UBE2O: variants seen among roughly 807,000 people sequenced by gnomAD.
UBE2O encodes the protein (E3-independent) E2 ubiquitin-conjugating enzyme.
UBE2O carries 15 observed loss-of-function variants against 125.8 expected under a neutral mutation model. The ratio of observed to expected loss-of-function variants is 0.12; its 90% CI spans 0.08 to 0.18. The LOEUF is 0.18. Among genes scored for constraint, UBE2O ranks in the 10% least tolerant of loss-of-function variants. UBE2O has a pLI of 1.00. For missense variants in UBE2O, 1,280 were observed against 1,723.6 expected (o/e 0.74, Z 4.56); for synonymous variants, 708 against 703.2 (o/e 1.01, Z -0.11).
At chr17:76,415,227 A>C (rs2072581600) in intron 1 of UBE2O, among the ~76,000 whole-genome samples, 1 of 152,154 alleles carries the variant, frequency 6.6e-6, no homozygotes, top group Non-Finnish European at 1.5e-5. Context: ...ATGAGGACCC[A>C]GGCTGCTAAT....
intron 1 of UBE2O, among the ~76,000 whole-genome samples, chr17:76,441,181 C>A (rs1036807598): frequency 1.3e-5 from 2 of 152,192 alleles, no homozygotes; most frequent in African/African-American, 4.8e-5. Context: ...GCCTGGCTCA[C>A]AGCAGGAATC....
In UBE2O at chr17:76,389,508, C is replaced by CAAAAA. The variant is rs1361682722; in HGVS notation, c.*1434_*1435insTTTTT. The CAAAAA allele has an allele frequency of 1.2e-4, 5 of 40,634 alleles. 1 individual carries two copies. The highest frequency in any genetic ancestry group is 4.1e-4 in the African/African-American group (3 of 7,236). The allele number at this position is 40,634 out of a possible 1,614,324, so 2.5% of individuals were successfully genotyped here. Reference sequence around the variant, plus strand: ...TCACCTTGTCTTGCTAATGAGCCAACACAAAAAAAAAAAAAAAAAAAAATG... The same window carrying CAAAAA: ...TCACCTTGTCTTGCTAATGAGCCAACAAAAAACAAAAAAAAAAAAAAAAAAAAATG... On this transcript the variant is annotated 3_prime_UTR_variant, in exon 18 of 18. Coordinates refer to ENST00000319380, the MANE Select transcript of UBE2O (RefSeq NM_022066.4).
In UBE2O at chr17:76,405,715, G is replaced by T. The variant is rs1167515572; in HGVS notation, c.418-143C>A. 5.4e-6 allele frequency: 4 copies of T among 742,038 alleles called. No individual in the cohort carries two copies. The East Asian group carries it at 8.1e-5, about 15-fold the overall frequency. The allele number at this position is 742,038 out of a possible 1,614,324, so 46.0% of individuals were successfully genotyped here. On this transcript the variant is annotated intron_variant, in intron 1 of 17. Coordinates refer to ENST00000319380, the MANE Select transcript of UBE2O (RefSeq NM_022066.4). This position sits in a 1 kb window ranked among gnomAD's most constrained non-coding sequence, Gnocchi z 6.1. Reference sequence around the variant, plus strand: ...GCGTTTGGCTAGCAGTATCTTCACAGACCGCACACACCTCCGACCAGCACC... The same window carrying T: ...GCGTTTGGCTAGCAGTATCTTCACATACCGCACACACCTCCGACCAGCACC...
rs562524341 is a variant in UBE2O at position 76,405,385 on chromosome 17, A to G, written c.478-69T>C. The G allele has an allele frequency of 2.8e-4, 427 of 1,518,274 alleles. 6 individuals are homozygous for G. In the South Asian group the frequency reaches 4.9e-3, roughly 17 times the overall value. The allele number at this position is 1,518,274 out of a possible 1,614,324, so 94.1% of individuals were successfully genotyped here. ...CTGGTCACCAGGGGAGACCCAGCCCAGGCAACCCCAGCGCACCCCCTGCAG... is the reference window on the plus strand; with the variant it reads ...CTGGTCACCAGGGGAGACCCAGCCCGGGCAACCCCAGCGCACCCCCTGCAG... On this transcript the variant is annotated intron_variant, in intron 2 of 17. Transcript: ENST00000319380. This position sits in a 1 kb window ranked among gnomAD's most constrained non-coding sequence, Gnocchi z 6.1.
chr17:76,444,640 A>G (rs2073126046), intron 1 of UBE2O, among the ~76,000 whole-genome samples: 1 of 152,200 alleles, frequency 6.6e-6, no homozygotes. Flanking sequence ...CAGTGGTGTG[A>G]GAGGTTAGAC....
At chr17:76,419,234 C>T (rs906256018) in intron 1 of UBE2O, among the ~76,000 whole-genome samples, 10 of 132,920 alleles carry the variant, frequency 7.5e-5, no homozygotes, top group East Asian at 6.5e-4. Flanking sequence ...CAGTGAGCCA[C>T]GATCGCACCA....
At chr17:76,432,619 T>G (rs185416511) in intron 1 of UBE2O, among the ~76,000 whole-genome samples, 103 of 152,134 alleles carry the variant, frequency 6.8e-4, no homozygotes, top group Non-Finnish European at 8.8e-5. Context: ...AATCCCAACA[T>G]AATGCAAAAT....
In UBE2O at chr17:76,405,181, T is replaced by G. The variant is rs1249064252; in HGVS notation, c.588+25A>C. 3 of 1,546,978 alleles carry G rather than the reference T, an allele frequency of 1.9e-6. No individual in the cohort carries two copies. Among genetic ancestry groups the G allele is most frequent in the South Asian group, 1.2e-5 (1 of 85,764 alleles). ...AGAGAACCAGAGGGCCCAGAAAGGA[T>G]GATGAGAAGACAGGGCCGGCTCACC... is the stretch of plus-strand genomic sequence containing the variant. On this transcript the variant is annotated intron_variant, in intron 3 of 17. Coordinates refer to ENST00000319380, the MANE Select transcript of UBE2O (RefSeq NM_022066.4). The surrounding 1 kb of genome is among the most constrained non-coding windows in gnomAD (Gnocchi z 6.1).
intron 1 of UBE2O, among the ~76,000 whole-genome samples, chr17:76,435,402 A>G (rs1243915228): frequency 1.7e-5 from 1 of 57,720 alleles, no homozygotes. Flanking sequence ...ATATACAGAT[A>G]CACACACACA....
chr17:76,423,249 C>T (rs1211778213), intron 1 of UBE2O, among the ~76,000 whole-genome samples: 6 of 152,076 alleles, frequency 3.9e-5, no homozygotes, highest in African/African-American at 9.7e-5. Context: ...CACGGTGGTA[C>T]GCACCTGGAG....
At chr17:76,394,533 T>C (rs1323426448) in intron 15 of UBE2O, among the ~76,000 whole-genome samples, 1 of 152,242 alleles carries the variant, frequency 6.6e-6, no homozygotes, top group African/African-American at 2.4e-5. Flanking sequence ...AGGTTGGTCT[T>C]AAGCAAATTA....
chr17:76,415,278 C>T (rs1384677715), intron 1 of UBE2O, among the ~76,000 whole-genome samples: 4 of 152,172 alleles, frequency 2.6e-5, no homozygotes, highest in African/African-American at 7.2e-5. Context: ...GGAAAGAACC[C>T]CACGTGCACT....
rs1486141207 is a variant in UBE2O, at chr17:76,395,849, A to G, written c.2822T>C (p.Phe941Ser). The G allele has an allele frequency of 6.2e-7, 1 of 1,614,042 alleles. No individual in the cohort carries two copies. Among genetic ancestry groups the G allele is most frequent in the Non-Finnish European group, 8.5e-7 (1 of 1,180,058 alleles). Residue 941 changes from phenylalanine (F) to serine (S), a missense_variant, in exon 15 of 18, where the codon TTT becomes TCT. Transcript: ENST00000319380. The surrounding 1 kb of genome is among the most constrained non-coding windows in gnomAD (Gnocchi z 5.0). ...TGGAGGCTGGAACTCAATTTTCTTA[A>G]AAGAATGATTTGCTAGAGGGGGGAA... ...VLEFAPSNHS[F>S]KKIEFQPPEA... is the part of the protein sequence containing the mutation.
At chr17:76,421,198 C>T (rs1454913876) in intron 1 of UBE2O, among the ~76,000 whole-genome samples, 5 of 152,112 alleles carry the variant, frequency 3.3e-5, no homozygotes, top group Admixed American at 3.3e-4. Context: ...ACAGTGAGCT[C>T]CCTAGAGCTG....
intron 1 of UBE2O, among the ~76,000 whole-genome samples, chr17:76,414,608 T>A (rs2072569029): frequency 6.6e-6 from 1 of 152,194 alleles, no homozygotes. Context: ...TGCTGCTGCA[T>A]CACCGCCTGG....
chr17:76,450,698 C>G (rs919058398), intron 1 of UBE2O, among the ~76,000 whole-genome samples: 1 of 152,072 alleles, frequency 6.6e-6, no homozygotes, highest in African/African-American at 2.4e-5. Context: ...CTCAGCTCAC[C>G]GCAACCTCCG....
At chr17:76,431,498 C>T (rs1035782441) in intron 1 of UBE2O, among the ~76,000 whole-genome samples, 10 of 152,028 alleles carry the variant, frequency 6.6e-5, no homozygotes, top group African/African-American at 2.4e-4. Context: ...ACAGGGTGCT[C>T]TGTCTCAAAA....
chr17:76,424,528 CG>C (rs2072771786), intron 1 of UBE2O, among the ~76,000 whole-genome samples: 1 of 151,864 alleles, frequency 6.6e-6, no homozygotes, highest in South Asian at 2.1e-4. Flanking sequence ...TTTTTATATT[CG>C]TTACATTCTG....
In UBE2O at chr17:76,396,882, G is replaced by A; in HGVS notation, c.2116-61C>T. On this transcript the variant is annotated intron_variant, in intron 13 of 17. Coordinates refer to ENST00000319380, the MANE Select transcript of UBE2O (RefSeq NM_022066.4). The surrounding 1 kb of genome is among the most constrained non-coding windows in gnomAD (Gnocchi z 6.7). ...AGGAAGTCACCTCCCCACCACTAAG[G>A]AGGAGCTCTGGGGATCCCTGATCCG... 4.8e-6 allele frequency: 7 copies of A among 1,443,570 alleles called. No homozygotes were observed. Among genetic ancestry groups the A allele is most frequent in the Non-Finnish European group, 6.6e-6 (7 of 1,067,058 alleles). The allele number at this position is 1,443,570 out of a possible 1,614,324, so 89.4% of individuals were successfully genotyped here.
Sources: allele counts gnomAD v4.1 joint callset (sites outside exome capture counted in the v4.1 genomes callset), GRCh38; gene constraint gnomAD v4.1.1; non-coding constraint Gnocchi (gnomAD v3.1); transcripts MANE v1.5; gene names NCBI Gene and HGNC (gene_info 2026-07-23, HGNC 2026-07-21).